The following KCNH5 variants were observed in gnomAD, a reference collection of about 807,000 sequenced individuals.
KCNH5 encodes potassium voltage-gated channel subfamily H member 5, also known as voltage-gated delayed rectifier potassium channel KCNH5.
Under a neutral mutation model 96.1 loss-of-function variants are expected in KCNH5, and 46 were observed. The observed-to-expected ratio is 0.48, with a 90% CI of 0.38 to 0.61. KCNH5 has a LOEUF of 0.61. KCNH5 is among the 20% of genes least tolerant of loss of function. The probability of loss-of-function intolerance (pLI) is 0.00; values close to 1 mark genes in which losing one functional copy is unlikely to be tolerated. For synonymous variants in KCNH5, 439 were observed against 449.8 expected, an observed-to-expected ratio of 0.98 and a Z score of 0.30; for missense variants, 907 against 1,225.8, an observed-to-expected ratio of 0.74 and a Z score of 3.88.
At chr14:62,761,491 G>A (rs963749194) in intron 10 of KCNH5, among the ~76,000 whole-genome samples, 4 of 151,982 alleles carry the variant, frequency 2.6e-5, no homozygotes, top group African/African-American at 7.3e-5. Flanking sequence ...AACAGAAAAA[G>A]CTGAGACAAT....
At chr14:62,814,002 G>A (rs1029798479) in intron 8 of KCNH5, among the ~76,000 whole-genome samples, 5 of 152,006 alleles carry the variant, frequency 3.3e-5, no homozygotes, top group Admixed American at 3.3e-4. Flanking sequence ...AAATAACCCA[G>A]GAACAATGTA....
rs2139607663 is a variant in KCNH5, at chr14:63,016,894, T to C, written c.134A>G (p.Asp45Gly). The change falls in exon 2 of 11, where the codon GAC (aspartate) becomes GGC (glycine). Residue 45 changes from aspartate to glycine, a missense_variant. Transcript: ENST00000322893. ...ATATCCAGAGAGTTTACAAAAACCG[T>C]CATTACTATAAACTACAGGCCAATC... ...IVDWPVVYSNDGFCKLSGYHR... is the reference protein window; with the variant it reads ...IVDWPVVYSNGGFCKLSGYHR... 1.2e-6 allele frequency: 2 copies of C among 1,611,056 alleles called. No individual in the cohort carries two copies. The highest frequency in any genetic ancestry group is 1.3e-5 in the African/African-American group (1 of 74,888).
chr14:62,929,204 A>AT (rs2140114527), intron 7 of KCNH5, among the ~76,000 whole-genome samples: 1 of 151,150 alleles, frequency 6.6e-6, no homozygotes, highest in East Asian at 1.9e-4. Context: ...TTTAACAACC[A>AT]CCCCCCGCAT....
chr14:62,794,888 T>C (rs1566662689), intron 9 of KCNH5, among the ~76,000 whole-genome samples: 1 of 152,110 alleles, frequency 6.6e-6, no homozygotes, highest in East Asian at 1.9e-4. Context: ...AATGTCACTT[T>C]AGGAATTAAA....
At chr14:62,736,702 TA>T (rs1246675274) in intron 10 of KCNH5, among the ~76,000 whole-genome samples, 1 of 152,178 alleles carries the variant, frequency 6.6e-6, no homozygotes, top group African/African-American at 2.4e-5. Context: ...CCCCTCACCC[TA>T]AAACCAATAT....
rs1378517549 is a variant in KCNH5 at position 62,702,415 on chromosome 14, A to T, written c.*5093T>A. On this transcript the variant is annotated 3_prime_UTR_variant, in exon 11 of 11. Transcript: ENST00000322893. Reference sequence around the variant, plus strand: ...AACCTAGACTAGATGGTTGAACTAGATAGTTCTTGTAATGTCAGTATTCTA... The same window carrying T: ...AACCTAGACTAGATGGTTGAACTAGTTAGTTCTTGTAATGTCAGTATTCTA... The T allele has an allele frequency of 6.6e-6, 1 of 152,036 alleles. No homozygotes were observed. Among genetic ancestry groups the T allele is most frequent in the Non-Finnish European group, 1.5e-5 (1 of 67,900 alleles). The allele number at this position is 152,036 out of a possible 1,614,324, so 9.4% of individuals were successfully genotyped here.
chr14:62,728,225 C>A (rs1427712833), intron 10 of KCNH5, among the ~76,000 whole-genome samples: 5 of 144,522 alleles, frequency 3.5e-5, no homozygotes, highest in East Asian at 2.0e-4. Context: ...TATTAAACTA[C>A]AAAAAAAAAA....
intron 6 of KCNH5, among the ~76,000 whole-genome samples, chr14:62,953,581 C>T (rs1890046125): frequency 6.6e-6 from 1 of 152,204 alleles, no homozygotes; most frequent in African/African-American, 2.4e-5. Flanking sequence ...ATGTGAATGA[C>T]ATCATTATCC....
At chr14:62,952,609 G>T (rs907127778) in intron 6 of KCNH5, among the ~76,000 whole-genome samples, 2 of 152,144 alleles carry the variant, frequency 1.3e-5, no homozygotes, top group African/African-American at 4.8e-5. Flanking sequence ...GGAACTTTGG[G>T]ACTTCTGTTT....
intron 10 of KCNH5, among the ~76,000 whole-genome samples, chr14:62,772,850 T>C (rs1355490245): frequency 6.6e-6 from 1 of 152,118 alleles, no homozygotes; most frequent in Admixed American, 6.6e-5. Flanking sequence ...ATGAGATATT[T>C]TACAATGCAG....
At chr14:62,953,862 C>T (rs1890051925) in intron 6 of KCNH5, among the ~76,000 whole-genome samples, 1 of 152,192 alleles carries the variant, frequency 6.6e-6, no homozygotes, top group Admixed American at 6.5e-5. Context: ...TCACAGATCA[C>T]ACTACAAGGG....
At chr14:62,758,986 T>G (rs1287132946) in intron 10 of KCNH5, among the ~76,000 whole-genome samples, 2 of 152,218 alleles carry the variant, frequency 1.3e-5, no homozygotes. Flanking sequence ...TTCTCTTCCA[T>G]TTGTTTAAAT....
At chr14:62,887,813 A>G (rs1343133018) in intron 7 of KCNH5, among the ~76,000 whole-genome samples, 1 of 152,036 alleles carries the variant, frequency 6.6e-6, no homozygotes, top group African/African-American at 2.4e-5. Flanking sequence ...GAAAAAAAAA[A>G]GGTGTTCTAG....
At chr14:62,944,771 T>C (rs1051463038) in intron 7 of KCNH5, among the ~76,000 whole-genome samples, 6 of 152,090 alleles carry the variant, frequency 3.9e-5, no homozygotes, top group Non-Finnish European at 8.8e-5. Context: ...TCCCATGAAA[T>C]TACCAAGGAC....
chr14:62,875,877 T>C (rs1434721968), intron 7 of KCNH5, among the ~76,000 whole-genome samples: 1 of 152,010 alleles, frequency 6.6e-6, no homozygotes, highest in African/African-American at 2.4e-5. Context: ...TGCCTTCCTT[T>C]AAGAAATGTT....
At chr14:62,960,963 C>T (rs1890194809) in intron 6 of KCNH5, among the ~76,000 whole-genome samples, 1 of 152,122 alleles carries the variant, frequency 6.6e-6, no homozygotes, top group Admixed American at 6.6e-5. Context: ...CAGCAATATC[C>T]ATAATGTAGT....
At chr14:62,956,264 T>C (rs867854174) in intron 6 of KCNH5, among the ~76,000 whole-genome samples, 4 of 152,240 alleles carry the variant, frequency 2.6e-5, no homozygotes, top group Middle Eastern at 3.4e-3. Context: ...AAAGAGTATA[T>C]ACTGTATGAT....
intron 7 of KCNH5, among the ~76,000 whole-genome samples, chr14:62,877,078 C>T (rs1269160812): frequency 2.6e-5 from 4 of 152,156 alleles, no homozygotes; most frequent in Non-Finnish European, 5.9e-5. Context: ...CCGTTCTGTT[C>T]CATTGATCTA....
chr14:63,002,830 G>A (rs548163817), intron 3 of KCNH5, among the ~76,000 whole-genome samples: 1 of 152,176 alleles, frequency 6.6e-6, no homozygotes, highest in Non-Finnish European at 1.5e-5. Context: ...TTTCCAAAAT[G>A]ATGGTAGAAT....
Sources: allele counts gnomAD v4.1 joint callset (sites outside exome capture counted in the v4.1 genomes callset), GRCh38; gene constraint gnomAD v4.1.1; transcripts MANE v1.5; gene names NCBI Gene and HGNC (gene_info 2026-07-23, HGNC 2026-07-21).